Variants in SLC35D1 observed in about 807,000 individuals in gnomAD.
SLC35D1 encodes solute carrier family 35 member D1.
A neutral mutation model predicts 46.7 loss-of-function variants in SLC35D1; 31 were observed. The observed-to-expected ratio is 0.66, with a 90% CI of 0.50 to 0.90. The LOEUF is 0.90. Among genes scored for constraint, SLC35D1 ranks in the 40% least tolerant of loss-of-function variants. SLC35D1 has a pLI of 0.00. For synonymous variants in SLC35D1, 195 were observed against 164.6 expected (o/e 1.18, Z -1.41); for missense variants, 397 against 426.2 (o/e 0.93, Z 0.60).
chr1:67,048,254 C>A (rs2102364116), intron 6 of SLC35D1, among the ~76,000 whole-genome samples: 1 of 152,322 alleles, frequency 6.6e-6, no homozygotes, highest in South Asian at 2.1e-4. Flanking sequence ...TTTTCCAAGT[C>A]AAAGGGTCTA....
At chr1:67,039,390 C>T (rs1273718362) in intron 8 of SLC35D1, among the ~76,000 whole-genome samples, 1 of 152,186 alleles carries the variant, frequency 6.6e-6, no homozygotes, top group African/African-American at 2.4e-5. Context: ...TTTGAGAAGT[C>T]TCCCTCCCAT....
intron 7 of SLC35D1, among the ~76,000 whole-genome samples, chr1:67,043,096 G>T (rs891200475): frequency 1.9e-4 from 29 of 152,074 alleles, no homozygotes; most frequent in Non-Finnish European, 2.9e-5. Context: ...TTGGGAGGCT[G>T]AGGCGGGAGA....
chr1:66,976,845 G>T, the SLC35D1 span: 1 of 771,968 alleles, frequency 1.3e-6, no homozygotes, highest in Non-Finnish European at 1.9e-6. Flanking sequence ...CCAGAAGGCC[G>T]AGAGTGATAA....
downstream of SLC35D1, among the ~76,000 whole-genome samples, chr1:66,997,042 T>C (rs1667245611): frequency 6.6e-6 from 1 of 152,112 alleles, no homozygotes; most frequent in Non-Finnish European, 1.5e-5. Flanking sequence ...AAAACTCACA[T>C]TGGATTTGGC....
chr1:66,984,010 C>T, the SLC35D1 span, among the ~76,000 whole-genome samples: 3 of 152,256 alleles, frequency 2.0e-5, no homozygotes, highest in African/African-American at 7.2e-5. Flanking sequence ...AGGCGTGAGC[C>T]ACTGCACCCA....
chr1:67,047,513 T>C, intron 6 of SLC35D1, 146 bp from the exon 7 acceptor site: 2 of 749,578 alleles, frequency 2.7e-6, no homozygotes, highest in African/African-American at 1.7e-5. Context: ...TATTTCTTGA[T>C]TTCTGGTCAT....
the SLC35D1 span, chr1:66,986,072 T>C: frequency 9.7e-7 from 1 of 1,034,190 alleles, no homozygotes; most frequent in Admixed American, 5.5e-5. Context: ...GGTCAAGTGA[T>C]ACTTAGATAT....
At chr1:66,989,703 G>A in the SLC35D1 span, among the ~76,000 whole-genome samples, 5 of 152,196 alleles carry the variant, frequency 3.3e-5, no homozygotes, top group Non-Finnish European at 7.3e-5. Context: ...GGGCTCGAGT[G>A]ATCCTCCCGC....
chr1:66,988,117 G>GT, the SLC35D1 span: 1 of 108,880 alleles, frequency 9.2e-6, no homozygotes, highest in Non-Finnish European at 2.2e-5. Flanking sequence ...TTTACATGGG[G>GT]TGTGTAACTA....
At chr1:66,986,243 G>T in the SLC35D1 span, 6 of 1,345,636 alleles carry the variant, frequency 4.5e-6, no homozygotes, top group East Asian at 8.1e-5. Flanking sequence ...ATTGCTCTGT[G>T]TGATTACAGA....
chr1:67,024,226 G>A (rs1405454083), intron 8 of SLC35D1, among the ~76,000 whole-genome samples: 7 of 152,138 alleles, frequency 4.6e-5, no homozygotes, highest in Non-Finnish European at 1.0e-4. Flanking sequence ...GATTACAGTC[G>A]TGAGCCACCA....
the SLC35D1 span, among the ~76,000 whole-genome samples, chr1:66,974,392 T>C: frequency 2.6e-5 from 4 of 152,242 alleles, no homozygotes; most frequent in South Asian, 6.2e-4. Flanking sequence ...GTTCGTTGTT[T>C]CATGGTTGAA....
In SLC35D1 at chr1:67,001,984, C is replaced by T. The variant is rs187535002; in HGVS notation, c.*2356G>A. 2.6e-5 allele frequency: 4 copies of T among 152,460 alleles called. No homozygotes were observed. The highest frequency in any genetic ancestry group is 7.2e-5 in the African/African-American group (3 of 41,580). The allele number at this position is 152,460 out of a possible 1,614,324, so 9.4% of individuals were successfully genotyped here. A position where few individuals can be genotyped will look rare whatever the true frequency, so the allele number is the denominator to read the frequency against. ...TACTCCTGAAGAGGTGACAGATCTC[C>T]TAGGGAACCTGACCCCCAAGAGGCA... On this transcript the variant is annotated 3_prime_UTR_variant, in exon 12 of 12. Transcript: ENST00000235345.
the SLC35D1 span, among the ~76,000 whole-genome samples, chr1:66,989,649 G>T: frequency 3.3e-5 from 5 of 152,162 alleles, no homozygotes; most frequent in Admixed American, 3.3e-4. Context: ...ATTATTTGTA[G>T]AGGTGAGGTC....
the SLC35D1 span, chr1:66,981,964 C>A: frequency 6.2e-7 from 1 of 1,600,432 alleles, no homozygotes; most frequent in South Asian, 1.1e-5. Context: ...ATAAGGGACA[C>A]TTTCTTGCAG....
the SLC35D1 span, chr1:66,981,964 C>T: frequency 6.2e-7 from 1 of 1,600,432 alleles, no homozygotes; most frequent in Non-Finnish European, 8.5e-7. Flanking sequence ...ATAAGGGACA[C>T]TTTCTTGCAG....
At chr1:67,049,391 C>T (rs542726693) in intron 6 of SLC35D1, among the ~76,000 whole-genome samples, 1 of 151,954 alleles carries the variant, frequency 6.6e-6, no homozygotes, top group African/African-American at 2.4e-5. Context: ...AGCTCTGTGA[C>T]CTTAAGTAAG....
intron 7 of SLC35D1, among the ~76,000 whole-genome samples, chr1:67,046,248 A>G (rs997995157): frequency 3.9e-5 from 6 of 152,210 alleles, no homozygotes; most frequent in East Asian, 1.9e-4. Flanking sequence ...GGAGCAGGCA[A>G]AGCCCCTGGC....
Position 67,054,056 on chromosome 1 carries a change from T to A in SLC35D1, c.-43A>T. ...TGGCCTGGCGGCGGGGCCTAGCGGCTCGGGGGCCTGCAGCGGCAGCTCCCA... is the reference window on the plus strand; with the variant it reads ...TGGCCTGGCGGCGGGGCCTAGCGGCACGGGGGCCTGCAGCGGCAGCTCCCA... On this transcript the variant is annotated 5_prime_UTR_variant, in exon 1 of 12. Transcript: ENST00000235345. The A allele has an allele frequency of 6.3e-7, 1 of 1,596,038 alleles. No homozygotes were observed. The highest frequency in any genetic ancestry group is 8.6e-7 in the Non-Finnish European group (1 of 1,168,742).
Sources: gnomAD v4.1 joint callset for allele counts (sites outside exome capture counted in the v4.1 genomes callset) on GRCh38, gnomAD v4.1.1 for gene constraint, MANE v1.5 for transcripts, NCBI Gene and HGNC (gene_info 2026-07-23, HGNC 2026-07-21) for gene names.